Variants in CMIP observed in about 807,000 individuals in gnomAD.
CMIP encodes the protein c-Maf inducing protein, also known as C-Maf-inducing protein.
Under a neutral mutation model 97.3 loss-of-function variants are expected in CMIP, and 13 were observed. That is an observed-to-expected ratio of 0.13 (90% CI 0.09 to 0.21). CMIP has a LOEUF of 0.21. Among genes scored for constraint, CMIP ranks in the 10% least tolerant of loss-of-function variants. The pLI is 1.00. For missense variants in CMIP, 847 were observed against 1,024.9 expected (o/e 0.83, Z 2.37); for synonymous variants, 538 against 436.3 (o/e 1.23, Z -2.91).
At chr16:81,633,618 A>G (rs74960539) in intron 3 of CMIP, among the ~76,000 whole-genome samples, 10,122 of 152,330 alleles carry the variant, frequency 0.066, 380 homozygotes, top group African/African-American at 0.081. Flanking sequence ...ACCCTGGTGC[A>G]CTTTCAGAAC....
chr16:81,583,813 T>C (rs577663728), intron 1 of CMIP, among the ~76,000 whole-genome samples: 1 of 152,296 alleles, frequency 6.6e-6, no homozygotes, highest in East Asian at 1.9e-4. Context: ...TGGATTTTTC[T>C]CTGTAGGCAA....
rs1456737872 is a variant in CMIP at position 81,616,787 on chromosome 16, G to T, written c.427-4089G>T. ...AGGATGGGGCTGAGAAGAGACTGAT[G>T]TGTAGCAGTGTCTGTGGTCAGTGGC... is the stretch of plus-strand genomic sequence containing the variant. On this transcript the variant is annotated intron_variant, in intron 2 of 20. Transcript: ENST00000537098. The surrounding 1 kb of genome is among the most constrained non-coding windows in gnomAD (Gnocchi z 4.7). Among the ~76,000 whole-genome samples the T allele has an allele frequency of 6.6e-6, 1 of 152,266 alleles. No homozygotes were observed. Among genetic ancestry groups the T allele is most frequent in the Admixed American group, 6.5e-5 (1 of 15,292 alleles).
At chr16:81,564,391 G>C (rs1364516970) in intron 1 of CMIP, among the ~76,000 whole-genome samples, 3 of 152,310 alleles carry the variant, frequency 2.0e-5, no homozygotes, top group Admixed American at 6.5e-5. Context: ...TTACGAGTGT[G>C]TGTTATACAT....
At chr16:81,678,812 T>A (rs1037497929) in intron 10 of CMIP, among the ~76,000 whole-genome samples, 184 bp downstream of exon 10, 28 of 152,228 alleles carry the variant, frequency 1.8e-4, no homozygotes, top group African/African-American at 6.5e-4. Flanking sequence ...TGGCTGTGAG[T>A]ACAGGCATAC....
chr16:81,709,985 C>T lies in CMIP; in HGVS notation c.*186C>T. 1.9e-6 allele frequency: 1 copy of T among 538,820 alleles called. No homozygotes were observed. The highest frequency in any genetic ancestry group is 3.3e-6 in the Non-Finnish European group (1 of 300,826). 33.4% of individuals were successfully genotyped at this position (538,820 alleles called of 1,614,324 possible). Reference sequence around the variant, plus strand: ...GCCCACAAGCACGCCCAGCCCCCGCCGAATTCTTTTAGCTTCGTAATTGGA... The same window carrying T: ...GCCCACAAGCACGCCCAGCCCCCGCTGAATTCTTTTAGCTTCGTAATTGGA... On this transcript the variant is annotated 3_prime_UTR_variant, in exon 21 of 21. Transcript: ENST00000537098.
rs9933703 is a variant in CMIP, at chr16:81,696,866, C to T, written c.1638+199C>T. The stretch of plus-strand genomic sequence containing the variant: ...ACTTACTCATTTCTTATCTGAGGCT[C>T]CAAGCCAAGCACTTGGCTTTCCCAG... On this transcript the variant is annotated intron_variant, in intron 14 of 20. Transcript: ENST00000537098. The T allele has an allele frequency of 1.9e-4, 115 of 601,282 alleles. 1 individual carries two copies. In the African/African-American group the frequency reaches 2.0e-3, roughly 10 times the overall value. The allele number at this position is 601,282 out of a possible 1,614,324, so 37.2% of individuals were successfully genotyped here.
At chr16:81,611,424 A>G (rs964276850) in intron 2 of CMIP, 1 of 152,348 alleles carries the variant, frequency 6.6e-6, no homozygotes, top group African/African-American at 2.4e-5. Flanking sequence ...GACAAGGGGA[A>G]TGGCGGGGCC....
chr16:81,619,933 G>C (rs1226138450), intron 2 of CMIP: 1 of 152,290 alleles, frequency 6.6e-6, no homozygotes, highest in Non-Finnish European at 1.5e-5. Context: ...GAGAAAGGAG[G>C]TGAGAGCCGC....
At chr16:81,681,384 A>G (rs180863433) in intron 10 of CMIP, among the ~76,000 whole-genome samples, 1 of 152,332 alleles carries the variant, frequency 6.6e-6, no homozygotes, top group East Asian at 1.9e-4. Flanking sequence ...GAGTCAGACC[A>G]TGCTAGGTTC....
chr16:81,641,421 T>A (rs923764528), intron 3 of CMIP, among the ~76,000 whole-genome samples: 1 of 152,074 alleles, frequency 6.6e-6, no homozygotes, highest in Non-Finnish European at 1.5e-5. Context: ...ACATACAATT[T>A]TTTTTTTAAT....
chr16:81,573,375 C>T (rs920380967), intron 1 of CMIP, among the ~76,000 whole-genome samples: 2 of 151,676 alleles, frequency 1.3e-5, no homozygotes, highest in Admixed American at 6.6e-5. Context: ...GGCATGTTTT[C>T]CCTAATAGGA....
intron 3 of CMIP, among the ~76,000 whole-genome samples, chr16:81,638,096 T>A (rs1405343591): frequency 6.6e-6 from 1 of 152,200 alleles, no homozygotes; most frequent in Non-Finnish European, 1.5e-5. Context: ...AGCTTAGCAC[T>A]TGGCTTGTGG....
At chr16:81,705,177 C>T (rs1907989750) in intron 18 of CMIP, among the ~76,000 whole-genome samples, 1 of 152,210 alleles carries the variant, frequency 6.6e-6, no homozygotes, top group Non-Finnish European at 1.5e-5. Context: ...CCACTGTCCA[C>T]CCAGCAGGAG....
intron 7 of CMIP, 29 bp downstream of exon 7, chr16:81,664,378 C>T: frequency 1.3e-6 from 2 of 1,566,700 alleles, no homozygotes; most frequent in Non-Finnish European, 1.7e-6. Flanking sequence ...ACACCCAGAC[C>T]CCAGCGCCCA....
chr16:81,671,109 G>A (rs201542777), intron 8 of CMIP, among the ~76,000 whole-genome samples: 5 of 152,182 alleles, frequency 3.3e-5, no homozygotes, highest in East Asian at 3.8e-4. Context: ...GATTATAGGC[G>A]TGAACTGCTG....
At chr16:81,589,738 A>G (rs2091438246) in intron 1 of CMIP, among the ~76,000 whole-genome samples, 1 of 152,280 alleles carries the variant, frequency 6.6e-6, no homozygotes, top group Non-Finnish European at 1.5e-5. Context: ...TAAAATGCAT[A>G]CAGAGAAGCA....
At chr16:81,703,570 C>T (rs924100616) in intron 17 of CMIP, among the ~76,000 whole-genome samples, 1 of 151,176 alleles carries the variant, frequency 6.6e-6, no homozygotes, top group African/African-American at 2.4e-5. Context: ...CAAACGTGCA[C>T]ACAGACACAC....
intron 19 of CMIP, among the ~76,000 whole-genome samples, chr16:81,706,488 C>T (rs1215117719): frequency 6.6e-6 from 1 of 152,200 alleles, no homozygotes; most frequent in Non-Finnish European, 1.5e-5. Context: ...CACTGGAGTC[C>T]CCCGGGGGGG....
intron 16 of CMIP, among the ~76,000 whole-genome samples, chr16:81,702,268 C>G (rs537053965): frequency 5.3e-4 from 81 of 152,074 alleles, no homozygotes; most frequent in Non-Finnish European, 9.0e-4. Flanking sequence ...CTCCCTCACC[C>G]CTTCAGTGAG....
Sources: allele counts gnomAD v4.1 joint callset (sites outside exome capture counted in the v4.1 genomes callset), GRCh38; gene constraint gnomAD v4.1.1; non-coding constraint Gnocchi (gnomAD v3.1); transcripts MANE v1.5; gene names NCBI Gene and HGNC (gene_info 2026-07-23, HGNC 2026-07-21).